CACNA2D3: variants seen among roughly 807,000 people sequenced by gnomAD.
CACNA2D3 encodes the protein voltage-dependent calcium channel subunit alpha-2/delta-3.
In CACNA2D3, 60 loss-of-function variants were observed where a neutral mutation model predicts 160.6. The observed-to-expected ratio is 0.37, with a 90% CI of 0.30 to 0.46. CACNA2D3 has a LOEUF of 0.46. Ranked by LOEUF, CACNA2D3 falls within the 20% of genes least tolerant of loss-of-function variation. The probability of loss-of-function intolerance (pLI) is 1.00; values close to 1 mark genes in which losing one functional copy is unlikely to be tolerated. For missense variants in CACNA2D3, 1,205 were observed against 1,365.0 expected (o/e 0.88, Z 1.85); for synonymous variants, 558 against 492.9 (o/e 1.13, Z -1.75).
intron 2 of CACNA2D3, among the ~76,000 whole-genome samples, chr3:54,285,634 C>T (rs992802035): frequency 5.2e-4 from 79 of 152,236 alleles, no homozygotes; most frequent in Non-Finnish European, 2.8e-4. Flanking sequence ...ACTGCCTCCT[C>T]AAGTGGGTCC....
intron 27 of CACNA2D3, among the ~76,000 whole-genome samples, chr3:54,933,760 CTT>C (rs34842038): frequency 0.59 from 83,529 of 140,914 alleles, 24,399 homozygotes; most frequent in East Asian, 0.75. Context: ...ATTACTATTA[CTT>C]TTTTTTTTTT....
intron 9 of CACNA2D3, chr3:54,626,757 G>A (rs559697769): frequency 7.3e-5 from 47 of 643,604 alleles, no homozygotes; most frequent in Non-Finnish European, 1.3e-4. Context: ...AAAGCAAAGC[G>A]AGGCCGTGGT....
chr3:54,141,094 C>CACGCGCGCGCACGT (rs1553731351), intron 2 of CACNA2D3, among the ~76,000 whole-genome samples: 3 of 81,892 alleles, frequency 3.7e-5, no homozygotes, highest in African/African-American at 1.1e-4. Context: ...TGTGCGCGCG[C>CACGCGCGCGCACGT]GCGCGTGTGT....
chr3:54,657,063 T>A (rs984596999), intron 11 of CACNA2D3, among the ~76,000 whole-genome samples: 4 of 142,462 alleles, frequency 2.8e-5, no homozygotes. Context: ...AAAAGGGGGG[T>A]TGTTCTCTGG....
At chr3:54,210,442 T>G (rs200920026) in intron 2 of CACNA2D3, among the ~76,000 whole-genome samples, 16 of 148,074 alleles carry the variant, frequency 1.1e-4, no homozygotes, top group Admixed American at 4.0e-4. Flanking sequence ...GTGTGTGTGT[T>G]TGTGTGTGTG....
chr3:54,194,409 T>C (rs1435250696), intron 2 of CACNA2D3, among the ~76,000 whole-genome samples: 1 of 152,176 alleles, frequency 6.6e-6, no homozygotes, highest in Non-Finnish European at 1.5e-5. Context: ...AGGGACATGA[T>C]GATGGGACCA....
At chr3:54,886,433 G>A (rs1699927419) in intron 23 of CACNA2D3, among the ~76,000 whole-genome samples, 1 of 152,176 alleles carries the variant, frequency 6.6e-6, no homozygotes, top group African/African-American at 2.4e-5. Context: ...AAAAACAAAA[G>A]TATAGAGACA....
At chr3:54,783,555 G>A (rs959862239) in intron 13 of CACNA2D3, among the ~76,000 whole-genome samples, 1 of 152,026 alleles carries the variant, frequency 6.6e-6, no homozygotes, top group Non-Finnish European at 1.5e-5. Flanking sequence ...GCAGTGAGCC[G>A]AGATCGTGCC....
chr3:54,604,001 T>C (rs963616386), intron 9 of CACNA2D3, among the ~76,000 whole-genome samples: 2 of 152,218 alleles, frequency 1.3e-5, no homozygotes, highest in Non-Finnish European at 2.9e-5. Context: ...AACCTCCTTA[T>C]TATTGAAAAT....
At chr3:54,954,879 G>A (rs1025982673) in intron 27 of CACNA2D3, among the ~76,000 whole-genome samples, 1 of 152,192 alleles carries the variant, frequency 6.6e-6, no homozygotes, top group African/African-American at 2.4e-5. Context: ...ATTTCTCAGA[G>A]ACAGCATGAG....
intron 2 of CACNA2D3, among the ~76,000 whole-genome samples, chr3:54,258,766 G>A (rs1294838718): frequency 6.6e-6 from 1 of 152,120 alleles, no homozygotes; most frequent in Non-Finnish European, 1.5e-5. Context: ...GTGTTTGAAA[G>A]TATTGATTGA....
intron 8 of CACNA2D3, among the ~76,000 whole-genome samples, chr3:54,571,424 G>A (rs1455165617): frequency 2.0e-5 from 3 of 151,668 alleles, no homozygotes; most frequent in African/African-American, 7.3e-5. Context: ...GTGTAGAGGA[G>A]GAAGTCCATT....
chr3:54,266,736 C>T (rs1439354029), intron 2 of CACNA2D3, among the ~76,000 whole-genome samples: 1 of 152,164 alleles, frequency 6.6e-6, no homozygotes, highest in Non-Finnish European at 1.5e-5. Context: ...ACTTTAGATT[C>T]CAATTTGGGT....
intron 11 of CACNA2D3, among the ~76,000 whole-genome samples, chr3:54,713,839 G>T (rs1278359280): frequency 6.6e-6 from 1 of 152,212 alleles, no homozygotes; most frequent in East Asian, 1.9e-4. Context: ...CTCTCATGCA[G>T]TTAAATCTTA....
chr3:54,392,457 T>A (rs1699298215), intron 4 of CACNA2D3, among the ~76,000 whole-genome samples: 1 of 152,270 alleles, frequency 6.6e-6, no homozygotes. Context: ...TTGTGTATCC[T>A]GCAGAAGCTT....
intron 11 of CACNA2D3, among the ~76,000 whole-genome samples, chr3:54,696,725 C>A (rs79284815): frequency 6.6e-6 from 1 of 152,196 alleles, no homozygotes; most frequent in South Asian, 2.1e-4. Context: ...AGACCCTATT[C>A]TCTGCTCTAG....
At chr3:55,036,478 A>AT (rs1429745207) in intron 35 of CACNA2D3, among the ~76,000 whole-genome samples, 1 of 150,828 alleles carries the variant, frequency 6.6e-6, no homozygotes, top group African/African-American at 2.4e-5. Context: ...TTTATTTTTT[A>AT]TTTTTTTGAG....
chr3:54,512,632 C>T (rs989002929), intron 5 of CACNA2D3, among the ~76,000 whole-genome samples: 1 of 152,100 alleles, frequency 6.6e-6, no homozygotes, highest in South Asian at 2.1e-4. Context: ...CTGACAAGCA[C>T]CCTGGCAGGT....
At chr3:54,212,500 G>A (rs1422526271) in intron 2 of CACNA2D3, among the ~76,000 whole-genome samples, 1 of 152,212 alleles carries the variant, frequency 6.6e-6, no homozygotes, top group Non-Finnish European at 1.5e-5. Context: ...GTTTTACCAT[G>A]TAGATGAAGC....
Sources: gnomAD v4.1 joint callset for allele counts (sites outside exome capture counted in the v4.1 genomes callset) on GRCh38, gnomAD v4.1.1 for gene constraint, MANE v1.5 for transcripts, NCBI Gene and HGNC (gene_info 2026-07-23, HGNC 2026-07-21) for gene names.